SZT2: variants seen among roughly 807,000 people sequenced by gnomAD.
SZT2 encodes SZT2 subunit of KICSTOR complex.
In SZT2, 216 loss-of-function variants were observed where a neutral mutation model predicts 404.2. That is an observed-to-expected ratio of 0.53 (90% confidence interval 0.48 to 0.60). The LOEUF is 0.60. SZT2 is among the 20% of genes least tolerant of loss of function. The probability of loss-of-function intolerance (pLI) is 0.00; values close to 1 mark genes in which losing one functional copy is unlikely to be tolerated. For synonymous variants in SZT2, 1,693 were observed against 1,749.9 expected, an observed-to-expected ratio of 0.97 and a Z score of 0.81; for missense variants, 3,857 against 4,459.2, an observed-to-expected ratio of 0.86 and a Z score of 3.85.
At position 43,442,896 on chromosome 1, in the gene SZT2, G is replaced by A; in HGVS notation, c.8229G>A (p.Glu2743=). The change falls in exon 59 of 72, where the codon GAG becomes GAA. Residue 2743 remains glutamate (E), a synonymous_variant. Coordinates refer to ENST00000634258, the MANE Select transcript of SZT2 (RefSeq NM_001365999.1). The surrounding 1 kb of genome is among the most constrained non-coding windows in gnomAD (Gnocchi z 4.5). ...GTGCAAGTCCCCCGCTGAGCCGTGA[G>A]CAGGGCCGACTGAGTGGGTCCTCTC... ...IRSASPPLSR[E]QGRLSGSSRG... The A allele has an allele frequency of 6.2e-7, 1 of 1,614,102 alleles. No individual in the cohort carries two copies. Among genetic ancestry groups the A allele is most frequent in the South Asian group, 1.1e-5 (1 of 91,078 alleles).
intron 33 of SZT2, 40 bp downstream of exon 33, chr1:43,431,130 A>T: frequency 6.2e-7 from 1 of 1,604,922 alleles, no homozygotes; most frequent in Non-Finnish European, 8.5e-7. Context: ...GGACCTTTTT[A>T]GGGTAGGGGG....
At position 43,446,334 on chromosome 1, in the gene SZT2, C is replaced by T; in HGVS notation, c.8998-8C>T. On this transcript the variant is annotated splice_polypyrimidine_tract_variant and splice_region_variant and intron_variant, in intron 64 of 71. Transcript: ENST00000634258. The stretch of plus-strand genomic sequence containing the variant: ...GCCTTCCTGATCTCATCTTCACCTT[C>T]CCTCCAGGGCTGTTACTTCTGTGTC... 6.2e-7 allele frequency: 1 copy of T among 1,614,158 alleles called. No homozygotes were observed. The highest frequency in any genetic ancestry group is 1.3e-5 in the African/African-American group (1 of 75,064).
chr1:43,414,689 T>TA (rs887941787), intron 4 of SZT2, among the ~76,000 whole-genome samples: 1 of 151,970 alleles, frequency 6.6e-6, no homozygotes, highest in Admixed American at 6.6e-5. Flanking sequence ...TGCTTAGAAA[T>TA]AAAAAAGCAT....
Position 43,415,095 on chromosome 1 carries a change from G to T in SZT2, c.512G>T (p.Gly171Val). The T allele has an allele frequency of 6.3e-7, 1 of 1,597,962 alleles. No individual in the cohort carries two copies. The highest frequency in any genetic ancestry group is 8.5e-7 in the Non-Finnish European group (1 of 1,179,490). ...GLQSHQVLVQ[G>V]CLLDPSQREV... ...TGTGCTTCTTAGGTGCTGGTACAGG[G>T]CTGCCTCTTGGACCCTTCCCAGCGG... Residue 171 changes from glycine (G) to valine (V), a missense_variant, in exon 5 of 72, where the codon GGC (glycine) becomes GTC (valine). This residue lies in a region of SZT2 where 536 missense variants were observed against 637.4 expected (regional missense o/e 0.84). Coordinates refer to ENST00000634258, the MANE Select transcript of SZT2 (RefSeq NM_001365999.1).
Position 43,430,694 on chromosome 1 carries a change from A to G in SZT2, c.4679A>G (p.His1560Arg). 6.2e-7 allele frequency: 1 copy of G among 1,613,866 alleles called. No individual in the cohort carries two copies. The highest frequency in any genetic ancestry group is 8.5e-7 in the Non-Finnish European group (1 of 1,179,994). The change falls in exon 32 of 72, where the codon CAT (histidine) becomes CGT (arginine). Residue 1560 changes from histidine (H) to arginine (R), a missense_variant. By Grantham distance (29) the His-to-Arg change is conservative. Around this residue, in one of 7 missense-constraint regions of SZT2, gnomAD observed 1,725 missense variants for 1,881.0 expected, o/e 0.92. Transcript: ENST00000634258. The part of the protein sequence containing the change: ...DSPTGPESFL[H>R]DLPPLFLHLT... ...CCCACTGGGCCTGAGAGCTTCCTTCATGACCTGCCACCGCTCTTCCTGCAC... is the reference window on the plus strand; with the variant it reads ...CCCACTGGGCCTGAGAGCTTCCTTCGTGACCTGCCACCGCTCTTCCTGCAC...
Position 43,425,895 on chromosome 1 carries a change from C to T in SZT2, c.2875C>T (p.Leu959=), listed in dbSNP as rs1570647334. ...SMLSFEYLIQ[L]CQSKEWGPLP... is the part of the protein sequence containing the mutation. ...GCTGAGCTTTGAATACCTGATACAG[C>T]TGTGTCAGAGCAAGGAATGGGGTCC... Residue 959 remains leucine, a synonymous_variant, in exon 20 of 72, where the codon CTG becomes TTG. Transcript: ENST00000634258. The surrounding 1 kb of genome is among the most constrained non-coding windows in gnomAD (Gnocchi z 4.3). 8 of 1,614,020 alleles carry T rather than the reference C, an allele frequency of 5.0e-6. No individual in the cohort carries two copies. In the Admixed American group the frequency reaches 1.2e-4, roughly 24 times the overall value.
In SZT2 at chr1:43,454,123, C is replaced by T; in HGVS notation, c.*3643C>T. 2 of 887,622 alleles carry T rather than the reference C, an allele frequency of 2.3e-6. No homozygotes were observed. Among genetic ancestry groups the T allele is most frequent in the African/African-American group, 1.8e-5 (1 of 56,216 alleles). The allele number at this position is 887,622 out of a possible 1,614,324, so 55.0% of individuals were successfully genotyped here. A position where few individuals can be genotyped will look rare whatever the true frequency, so the allele number is the denominator to read the frequency against. On this transcript the variant is annotated 3_prime_UTR_variant, in exon 72 of 72. Transcript: ENST00000634258. The stretch of plus-strand genomic sequence containing the variant: ...AGAGAGAGCTGGCTGCCCGAGGGCC[C>T]GGTTGCAATGATGGGACGCGCACTT...
intron 1 of SZT2, among the ~76,000 whole-genome samples, chr1:43,399,620 C>G (rs1051321112): frequency 2.0e-5 from 3 of 151,990 alleles, no homozygotes; most frequent in African/African-American, 7.3e-5. Flanking sequence ...CGCCACCACA[C>G]CCAGCTAATT....
At chr1:43,417,991 G>GA (rs1270306889) in intron 7 of SZT2, among the ~76,000 whole-genome samples, 1 of 152,124 alleles carries the variant, frequency 6.6e-6, no homozygotes, top group Non-Finnish European at 1.5e-5. Flanking sequence ...TTCTCACAAT[G>GA]GTAACTACAC....
Position 43,443,171 on chromosome 1 carries a change from A to C in SZT2, c.8420-17A>C. ...GTGACAATGCCTGGGGCTACTACTAATGCCCTCAACCCTCAGAGCTGGAGC... is the reference window on the plus strand; with the variant it reads ...GTGACAATGCCTGGGGCTACTACTACTGCCCTCAACCCTCAGAGCTGGAGC... On this transcript the variant is annotated splice_polypyrimidine_tract_variant and intron_variant, in intron 59 of 71. Coordinates refer to ENST00000634258, the MANE Select transcript of SZT2 (RefSeq NM_001365999.1). The C allele has an allele frequency of 1.2e-6, 2 of 1,614,078 alleles. No individual in the cohort carries two copies. Among genetic ancestry groups the C allele is most frequent in the South Asian group, 1.1e-5 (1 of 91,076 alleles).
At chr1:43,447,468 C>A in intron 66 of SZT2, 77 bp from the exon 67 acceptor site, 1 of 1,552,916 alleles carries the variant, frequency 6.4e-7, no homozygotes, top group Non-Finnish European at 8.7e-7. Flanking sequence ...CTTAAAGACT[C>A]CCATCCCTGT....
chr1:43,429,665 G>C, intron 28 of SZT2, 38 bp from the exon 29 acceptor site: 1 of 1,613,844 alleles, frequency 6.2e-7, no homozygotes, highest in Non-Finnish European at 8.5e-7. Flanking sequence ...GAGCTTGATG[G>C]TTCTTAACAC....
chr1:43,440,639 TC>T (rs1282474138), intron 52 of SZT2, 53 bp downstream of exon 52: 1 of 1,497,146 alleles, frequency 6.7e-7, no homozygotes, highest in African/African-American at 1.4e-5. Context: ...GCCTCCTAGC[TC>T]CTCCCACACT....
In SZT2 at chr1:43,452,890, A is replaced by G. The variant is rs576188222; in HGVS notation, c.*2410A>G. The G allele has an allele frequency of 6.3e-7, 1 of 1,590,404 alleles. No homozygotes were observed. Among genetic ancestry groups the G allele is most frequent in the South Asian group, 1.2e-5 (1 of 86,818 alleles). ...AGACATTCCAGGCCTCCCCATCCCA[A>G]CAGGCTACATACATGTCCAGCCTCA... On this transcript the variant is annotated 3_prime_UTR_variant, in exon 72 of 72. Transcript: ENST00000634258.
chr1:43,452,940 C>G lies in SZT2; in HGVS notation c.*2460C>G, dbSNP rs183738799. On this transcript the variant is annotated 3_prime_UTR_variant, in exon 72 of 72. Transcript: ENST00000634258. ...AGGAACGCTGCCAAATACACCAGGC[C>G]TCCTCTTGCCACAGCACCCTTGCAA... is the stretch of plus-strand genomic sequence containing the variant. 2.5e-6 allele frequency: 4 copies of G among 1,609,046 alleles called. No homozygotes were observed. The South Asian group carries it at 4.5e-5, about 18-fold the overall frequency.
rs1211840664 is a variant in SZT2 at position 43,448,612 on chromosome 1, G to A, written c.9970G>A (p.Asp3324Asn). The A allele has an allele frequency of 6.2e-7, 1 of 1,614,154 alleles. No individual in the cohort carries two copies. The highest frequency in any genetic ancestry group is 2.2e-5 in the East Asian group (1 of 44,882). ...KSIGDIDPQLDCFLSMTVSWY... is the reference protein window; with the variant it reads ...KSIGDIDPQLNCFLSMTVSWY... Reference sequence around the variant, plus strand: ...CTCAGGCCTGTGGCTCCTCCCTCAGGACTGCTTCCTATCCATGACGGTCTC... The same window carrying A: ...CTCAGGCCTGTGGCTCCTCCCTCAGAACTGCTTCCTATCCATGACGGTCTC... Residue 3324 changes from aspartate to asparagine, a missense_variant and splice_region_variant, in exon 70 of 72, where the codon GAC becomes AAC. By Grantham distance (23) the Asp-to-Asn change is conservative. Transcript: ENST00000634258. This position sits in a 1 kb window ranked among gnomAD's most constrained non-coding sequence, Gnocchi z 4.2.
chr1:43,403,317 C>A lies in SZT2; in HGVS notation c.153+15C>A. The stretch of plus-strand genomic sequence containing the variant: ...AGGAGATGCTGGTGAGGCTTAGACA[C>A]ACGAAAGGTGTGAGGGGCCAGCCCA... On this transcript the variant is annotated intron_variant, in intron 2 of 71. Coordinates refer to ENST00000634258, the MANE Select transcript of SZT2 (RefSeq NM_001365999.1). 1 of 1,609,710 alleles carries A rather than the reference C, an allele frequency of 6.2e-7. No homozygotes were observed. The highest frequency in any genetic ancestry group is 1.1e-5 in the South Asian group (1 of 90,526).
intron 70 of SZT2, chr1:43,449,532 G>A (rs1320079969): frequency 1.8e-5 from 3 of 163,498 alleles, no homozygotes; most frequent in Non-Finnish European, 4.0e-5. Context: ...AGCAGGAGTG[G>A]GTTTTGGGGA....
chr1:43,430,025 G>T lies in SZT2; in HGVS notation c.4323G>T (p.Glu1441Asp). The change falls in exon 30 of 72, where the codon GAG becomes GAT. Residue 1441 changes from glutamate to aspartate, a missense_variant. Physicochemically the swap from Glu to Asp is conservative, Grantham distance 45. Transcript: ENST00000634258. ...CCCCACAACAGGAGAAGTTCCTAGA[G>T]ATCAGTCGTCTCCACTTCCGCACAG... ...LHSVIQEKFL[E>D]ISRLHFRTVP... 6.2e-7 allele frequency: 1 copy of T among 1,614,170 alleles called. No homozygotes were observed. Among genetic ancestry groups the T allele is most frequent in the Non-Finnish European group, 8.5e-7 (1 of 1,180,032 alleles).
Sources: gnomAD v4.1 joint callset for allele counts (sites outside exome capture counted in the v4.1 genomes callset) on GRCh38, gnomAD v4.1.1 for gene constraint, gnomAD v4.1.1 regional missense constraint, Gnocchi (gnomAD v3.1) non-coding constraint, MANE v1.5 for transcripts, NCBI Gene and HGNC (gene_info 2026-07-23, HGNC 2026-07-21) for gene names.